Variants in STK10 observed in about 807,000 individuals in gnomAD.
STK10 encodes serine/threonine-protein kinase 10.
A neutral mutation model predicts 113.8 loss-of-function variants in STK10; 78 were observed. The observed-to-expected ratio is 0.69, with a 90% CI of 0.57 to 0.83. The LOEUF (loss-of-function observed/expected upper bound fraction) is 0.83. Ranked by LOEUF, STK10 falls within the 40% of genes least tolerant of loss-of-function variation. The probability of loss-of-function intolerance (pLI) is 0.00; values close to 1 mark genes in which losing one functional copy is unlikely to be tolerated. For missense variants in STK10, 1,109 were observed against 1,280.1 expected, an observed-to-expected ratio of 0.87 and a Z score of 2.04; for synonymous variants, 465 against 494.7, an observed-to-expected ratio of 0.94 and a Z score of 0.80.
At chr5:172,177,511 G>A (rs59169862) in intron 1 of STK10, among the ~76,000 whole-genome samples, 11,210 of 152,230 alleles carry the variant, frequency 0.074, 1,341 homozygotes, top group African/African-American at 0.25. Flanking sequence ...CAGATCTGTC[G>A]TGCCCAACAT....
intron 2 of STK10, among the ~76,000 whole-genome samples, chr5:172,144,642 C>G (rs1770049602): frequency 1.3e-5 from 2 of 152,174 alleles, no homozygotes; most frequent in Admixed American, 1.3e-4. Flanking sequence ...TCCTCCACCC[C>G]CAGCCTCACC....
intron 2 of STK10, among the ~76,000 whole-genome samples, chr5:172,142,233 C>T (rs1262604087): frequency 2.0e-5 from 3 of 152,188 alleles, no homozygotes; most frequent in Non-Finnish European, 4.4e-5. Flanking sequence ...CTGATTACTA[C>T]ACAAACGTCT....
intron 18 of STK10, among the ~76,000 whole-genome samples, chr5:172,051,163 T>C (rs914188448): frequency 6.6e-6 from 1 of 152,150 alleles, no homozygotes; most frequent in African/African-American, 2.4e-5. Flanking sequence ...ACATCATGCA[T>C]TGGTCACTTA....
intron 3 of STK10, among the ~76,000 whole-genome samples, chr5:172,125,567 T>C (rs910958459): frequency 6.6e-6 from 1 of 152,152 alleles, no homozygotes; most frequent in Admixed American, 6.5e-5. Flanking sequence ...ATATATTTTG[T>C]AGAGATGGGT....
rs1457863858 is a variant in STK10 at position 172,087,864 on chromosome 5, A to G, written c.1685+2368T>C. ...AGGATGGTCTCGATCTCCTGACCTC[A>G]TGATCCACCCGCCTCGGCCTCCCAA... On this transcript the variant is annotated intron_variant, in intron 10 of 18. Transcript: ENST00000176763. Among the ~76,000 whole-genome samples the G allele has an allele frequency of 9.6e-5, 9 of 93,858 alleles. No individual in the cohort carries two copies. The East Asian group carries it at 1.2e-3, about 13-fold the overall frequency. 61.6% of individuals were successfully genotyped at this position (93,858 alleles called of 152,430 possible).
chr5:172,106,881 G>C (rs1769126221), intron 5 of STK10, 67 bp from the exon 6 acceptor site: 1 of 1,489,136 alleles, frequency 6.7e-7, no homozygotes, highest in Admixed American at 2.1e-5. Context: ...TGGACATTCA[G>C]GGTCAAGGGC....
chr5:172,052,585 TCAGAA>T (rs1767650100), intron 18 of STK10, among the ~76,000 whole-genome samples: 1 of 152,228 alleles, frequency 6.6e-6, no homozygotes, highest in Non-Finnish European at 1.5e-5. Flanking sequence ...TTCTGACTCC[TCAGAA>T]TAACTTCCTC....
At chr5:172,069,355 T>G (rs1561794508) in intron 12 of STK10, among the ~76,000 whole-genome samples, 1 of 152,126 alleles carries the variant, frequency 6.6e-6, no homozygotes, top group Non-Finnish European at 1.5e-5. Flanking sequence ...AGATACTGTA[T>G]GCAAACACTT....
intron 1 of STK10, among the ~76,000 whole-genome samples, chr5:172,180,514 G>A (rs1446121498): frequency 6.6e-6 from 1 of 151,464 alleles, no homozygotes; most frequent in African/African-American, 2.4e-5. Flanking sequence ...GCAACGGCCA[G>A]GTGCAGTGGC....
intron 2 of STK10, among the ~76,000 whole-genome samples, chr5:172,139,601 G>A (rs1410132837): frequency 1.3e-5 from 2 of 151,876 alleles, no homozygotes. Context: ...CAATAAGGAA[G>A]GAACAGTCTT....
intron 1 of STK10, among the ~76,000 whole-genome samples, chr5:172,171,437 C>T (rs531636744): frequency 6.6e-5 from 10 of 152,216 alleles, no homozygotes; most frequent in African/African-American, 1.9e-4. Flanking sequence ...TCCTTGGCTG[C>T]GCATGGTGGC....
intron 10 of STK10, among the ~76,000 whole-genome samples, 186 bp downstream of exon 10, chr5:172,090,046 T>C (rs541848328): frequency 1.3e-5 from 2 of 152,076 alleles, no homozygotes; most frequent in African/African-American, 4.8e-5. Context: ...GATGAGTGGA[T>C]AGATAGGTGA....
At chr5:172,052,855 A>G (rs1224362862) in intron 18 of STK10, 74 bp downstream of exon 18, 6 of 1,431,716 alleles carry the variant, frequency 4.2e-6, no homozygotes, top group African/African-American at 1.4e-5. Context: ...GAGACCTAAC[A>G]TGTCCTGGCC....
At chr5:172,068,168 G>A (rs1453485469) in intron 12 of STK10, among the ~76,000 whole-genome samples, 1 of 152,102 alleles carries the variant, frequency 6.6e-6, no homozygotes, top group Admixed American at 6.6e-5. Context: ...GTGAAACCCT[G>A]TCTCTACTAA....
chr5:172,187,876 A>T lies in STK10; in HGVS notation c.156+11T>A. On this transcript the variant is annotated intron_variant, in intron 1 of 18. Transcript: ENST00000176763. This position sits in a 1 kb window ranked among gnomAD's most constrained non-coding sequence, Gnocchi z 4.6. ...CGACGCGCGTCCGGCCACCCACCTC[A>T]GCGCCCTCACCTTGTAAACCTTGCC... 4 of 1,612,126 alleles carry T rather than the reference A, an allele frequency of 2.5e-6. No homozygotes were observed. The highest frequency in any genetic ancestry group is 3.4e-6 in the Non-Finnish European group (4 of 1,179,336).
chr5:172,047,508 GCAGACCATGGTTA>G (rs1460201923), intron 18 of STK10, among the ~76,000 whole-genome samples: 4 of 152,170 alleles, frequency 2.6e-5, no homozygotes, highest in African/African-American at 9.7e-5. Context: ...GAAAGTCCCA[GCAGACCATGGTTA>G]CAGAAACTGA....
intron 2 of STK10, among the ~76,000 whole-genome samples, chr5:172,136,828 TA>T (rs900826593): frequency 1.5e-5 from 2 of 131,518 alleles, no homozygotes; most frequent in African/African-American, 7.0e-5. Context: ...TATTATTATC[TA>T]TTTTTTTTTT....
At chr5:172,094,192 A>T (rs79593648) in intron 8 of STK10, among the ~76,000 whole-genome samples, 2,976 of 152,102 alleles carry the variant, frequency 0.02, 86 homozygotes, top group African/African-American at 0.068. Context: ...ATCTCAGCTG[A>T]ATGTAATAGC....
chr5:172,098,143 TA>T (rs1365390148), intron 7 of STK10, among the ~76,000 whole-genome samples: 25 of 152,232 alleles, frequency 1.6e-4, no homozygotes, highest in Non-Finnish European at 3.4e-4. Context: ...GGGAAGTATT[TA>T]AACGACTAAA....
Sources: allele counts gnomAD v4.1 joint callset (sites outside exome capture counted in the v4.1 genomes callset), GRCh38; gene constraint gnomAD v4.1.1; non-coding constraint Gnocchi (gnomAD v3.1); transcripts MANE v1.5; gene names NCBI Gene and HGNC (gene_info 2026-07-23, HGNC 2026-07-21).